The following TNPO3 variants were observed in gnomAD, a reference collection of about 807,000 sequenced individuals.
The protein encoded by TNPO3 is transportin-3.
In TNPO3, 65 loss-of-function variants were observed where a neutral mutation model predicts 122.8. That is an observed-to-expected ratio of 0.53 (90% CI 0.43 to 0.65). The LOEUF (loss-of-function observed/expected upper bound fraction) is 0.65. Ranked by LOEUF, TNPO3 falls within the 30% of genes least tolerant of loss-of-function variation. The pLI is 0.00. For synonymous variants in TNPO3, 372 were observed against 411.2 expected (o/e 0.90, Z 1.15); for missense variants, 850 against 1,136.7 (o/e 0.75, Z 3.63).
chr7:128,967,272 T>C lies in TNPO3; in HGVS notation c.2711+8A>G, dbSNP rs773498401. ...CACACCTCCTTAAGAACCCCCAGTA[T>C]CACTCACCTAGTGACTTGCTTGTGG... On this transcript the variant is annotated splice_region_variant and intron_variant, in intron 21 of 22. Coordinates refer to ENST00000265388, the MANE Select transcript of TNPO3 (RefSeq NM_012470.4). The C allele has an allele frequency of 1.3e-6, 2 of 1,553,224 alleles. No individual in the cohort carries two copies. The highest frequency in any genetic ancestry group is 1.1e-5 in the South Asian group (1 of 89,898).
chr7:129,004,250 A>G (rs1190052012), intron 5 of TNPO3, among the ~76,000 whole-genome samples: 1 of 152,194 alleles, frequency 6.6e-6, no homozygotes, highest in African/African-American at 2.4e-5. Flanking sequence ...ATCGGCATAC[A>G]TTCACAATAC....
chr7:129,034,617 C>T (rs1489187175), intron 1 of TNPO3, among the ~76,000 whole-genome samples: 1 of 152,060 alleles, frequency 6.6e-6, no homozygotes, highest in Non-Finnish European at 1.5e-5. Context: ...AGGCCAGGCG[C>T]GGTGGCTCAC....
intron 1 of TNPO3, among the ~76,000 whole-genome samples, chr7:129,039,760 T>C (rs1030829781): frequency 6.6e-6 from 1 of 152,142 alleles, no homozygotes; most frequent in South Asian, 2.1e-4. Context: ...GAAGTAATAA[T>C]ATATACTATA....
At chr7:128,978,459 G>C (rs1043495668) in intron 16 of TNPO3, among the ~76,000 whole-genome samples, 4 of 152,090 alleles carry the variant, frequency 2.6e-5, no homozygotes, top group Admixed American at 6.5e-5. Context: ...CAAGTCATTC[G>C]CTTCACAGAA....
chr7:129,037,911 T>C (rs756591466), intron 1 of TNPO3, among the ~76,000 whole-genome samples: 8 of 151,938 alleles, frequency 5.3e-5, no homozygotes, highest in Non-Finnish European at 7.4e-5. Context: ...ACCTGCCAGA[T>C]GCAAGGCAAA....
intron 14 of TNPO3, 82 bp downstream of exon 14, chr7:128,982,166 A>G: frequency 8.0e-7 from 1 of 1,251,062 alleles, no homozygotes; most frequent in Non-Finnish European, 1.1e-6. Context: ...AGTATGAGGA[A>G]AAAATACTTG....
chr7:129,025,147 G>A (rs902344712), intron 1 of TNPO3, among the ~76,000 whole-genome samples: 4 of 151,292 alleles, frequency 2.6e-5, no homozygotes, highest in Admixed American at 2.0e-4. Context: ...TCAGAAATTC[G>A]AGACCAGCCT....
chr7:128,978,307 G>C (rs1415978866), intron 16 of TNPO3, among the ~76,000 whole-genome samples: 1 of 152,174 alleles, frequency 6.6e-6, no homozygotes, highest in Non-Finnish European at 1.5e-5. Context: ...TTTTTGACAA[G>C]AGACTTCTGT....
chr7:129,045,726 C>T (rs1468696072), intron 1 of TNPO3, among the ~76,000 whole-genome samples: 1 of 152,066 alleles, frequency 6.6e-6, no homozygotes, highest in Non-Finnish European at 1.5e-5. Flanking sequence ...CAACTTTGGC[C>T]CAAGGCCTGG....
chr7:129,010,697 T>C (rs941543603), intron 4 of TNPO3, among the ~76,000 whole-genome samples: 4 of 152,212 alleles, frequency 2.6e-5, no homozygotes, highest in Admixed American at 1.3e-4. Context: ...ACGCTGTATA[T>C]ATACTAAGAC....
At chr7:128,972,032 T>C (rs1798541872) in intron 19 of TNPO3, among the ~76,000 whole-genome samples, 2 of 152,226 alleles carry the variant, frequency 1.3e-5, no homozygotes, top group Admixed American at 1.3e-4. Flanking sequence ...GTTGAATGTC[T>C]GTAGTCCTGG....
At chr7:129,053,068 T>C (rs1177255929) in intron 1 of TNPO3, among the ~76,000 whole-genome samples, 4 of 152,138 alleles carry the variant, frequency 2.6e-5, no homozygotes, top group Admixed American at 6.5e-5. Context: ...CTCACATCTA[T>C]AATCCCAGCA....
At chr7:128,979,705 C>T (rs1174119731) in intron 15 of TNPO3, among the ~76,000 whole-genome samples, 1 of 152,186 alleles carries the variant, frequency 6.6e-6, no homozygotes, top group Non-Finnish European at 1.5e-5. Context: ...ATTGATCAGG[C>T]CTCCTAGTAA....
chr7:129,055,583 G>C, upstream of TNPO3: 1 of 162,226 alleles, frequency 6.2e-6, no homozygotes, highest in Non-Finnish European at 1.3e-5. Context: ...AATCCAAAAT[G>C]CCTAGAATCT....
rs770150722 is a variant in TNPO3 at position 129,014,997 on chromosome 7, A to G, written c.534T>C (p.Ser178=). The G allele has an allele frequency of 1.9e-6, 3 of 1,609,764 alleles. No homozygotes were observed. The Admixed American group carries it at 5.1e-5, about 28-fold the overall frequency. The change falls in exon 4 of 23, where the codon AGT becomes AGC. Residue 178 remains serine, a synonymous_variant. Coordinates refer to ENST00000265388, the MANE Select transcript of TNPO3 (RefSeq NM_012470.4). ...TACTCACCAATAGAGATACTACTGT[A>G]CTAGAGTAGAAGGCCAAATCTTCTA... ...EIIEDLAFYS[S]TVVSLLMTCV...
intron 1 of TNPO3, among the ~76,000 whole-genome samples, chr7:129,033,581 C>T (rs911841560): frequency 6.6e-6 from 1 of 152,032 alleles, no homozygotes; most frequent in Non-Finnish European, 1.5e-5. Flanking sequence ...CCATATATTC[C>T]AAAAATCCCA....
At chr7:128,996,599 C>G (rs1365771035) in intron 8 of TNPO3, among the ~76,000 whole-genome samples, 1 of 151,820 alleles carries the variant, frequency 6.6e-6, no homozygotes, top group African/African-American at 2.4e-5. Context: ...AATAATTAGC[C>G]TGGCATGGTG....
chr7:129,014,374 T>C (rs929978876), intron 4 of TNPO3, among the ~76,000 whole-genome samples: 13 of 152,012 alleles, frequency 8.6e-5, no homozygotes, highest in African/African-American at 3.1e-4. Context: ...AATAAAAAAT[T>C]TAGCTGGGCA....
intron 18 of TNPO3, 141 bp downstream of exon 18, chr7:128,974,727 A>G: frequency 1.4e-6 from 1 of 718,458 alleles, no homozygotes; most frequent in Non-Finnish European, 2.4e-6. Context: ...TCAGCTTGCA[A>G]TTTACCTTTG....
Sources: gnomAD v4.1 joint callset for allele counts (sites outside exome capture counted in the v4.1 genomes callset) on GRCh38, gnomAD v4.1.1 for gene constraint, MANE v1.5 for transcripts, NCBI Gene and HGNC (gene_info 2026-07-23, HGNC 2026-07-21) for gene names.